PPP4R4: variants seen among roughly 807,000 people sequenced by gnomAD.
PPP4R4 encodes the protein protein phosphatase 4 regulatory subunit 4.
A neutral mutation model predicts 121.8 loss-of-function variants in PPP4R4; 70 were observed. The observed-to-expected ratio is 0.57, with a 90% CI of 0.47 to 0.70. The LOEUF (loss-of-function observed/expected upper bound fraction) is 0.70, where lower values mean the gene tolerates loss of function less well. Ranked by LOEUF, PPP4R4 falls within the 30% of genes least tolerant of loss-of-function variation. PPP4R4 has a pLI of 0.00. For missense variants in PPP4R4, 875 were observed against 1,033.6 expected, an observed-to-expected ratio of 0.85 and a Z score of 2.10; for synonymous variants, 348 against 355.7, an observed-to-expected ratio of 0.98 and a Z score of 0.24.
chr14:94,262,871 A>G lies in PPP4R4; in HGVS notation c.2128-2007A>G, dbSNP rs762232414. Among the ~76,000 whole-genome samples, 7 of 152,104 alleles carry G rather than the reference A, an allele frequency of 4.6e-5. No individual in the cohort carries two copies. In the South Asian group the frequency reaches 1.0e-3, roughly 23 times the overall value. ...TTATTTTTACCTTCATTCCTGAAGG[A>G]TATTTTCACTGGGTATAGAAGTCTG... On this transcript the variant is annotated intron_variant, in intron 19 of 24. Transcript: ENST00000304338.
intron 3 of PPP4R4, among the ~76,000 whole-genome samples, chr14:94,214,050 C>T (rs1288552332): frequency 6.6e-6 from 1 of 152,162 alleles, no homozygotes; most frequent in Non-Finnish European, 1.5e-5. Flanking sequence ...AGTCTAGTTT[C>T]TCACTATACC....
rs774084404 is a variant in PPP4R4 at position 94,174,533 on chromosome 14, AC to A, written c.70del (p.Leu24CysfsTer21). ...SQNSLFGYME[D>X]LQELTIIERP... is the part of the protein sequence containing the mutation. ...AACAGCCTGTTCGGTTACATGGAGGACCTGCAGGAGCTCACCATCATCGAGA... is the reference window on the plus strand; with the variant it reads ...AACAGCCTGTTCGGTTACATGGAGGACTGCAGGAGCTCACCATCATCGAGA... On this transcript the variant is annotated frameshift_variant, in exon 1 of 25. Transcript: ENST00000304338. LOFTEE classifies it high-confidence loss of function. The A allele has an allele frequency of 1.1e-5, 17 of 1,612,334 alleles. No homozygotes were observed. Among genetic ancestry groups the A allele is most frequent in the Non-Finnish European group, 1.4e-5 (17 of 1,179,242 alleles).
At chr14:94,203,822 C>A (rs948264289) in intron 2 of PPP4R4, among the ~76,000 whole-genome samples, 5 of 152,134 alleles carry the variant, frequency 3.3e-5, no homozygotes, top group Non-Finnish European at 7.4e-5. Flanking sequence ...GGCTTATTTG[C>A]AATCTGTATA....
At chr14:94,183,755 T>C (rs1472126257) in intron 2 of PPP4R4, among the ~76,000 whole-genome samples, 1 of 152,164 alleles carries the variant, frequency 6.6e-6, no homozygotes, top group Non-Finnish European at 1.5e-5. Context: ...AATAACATAA[T>C]GTGATGTGAG....
In PPP4R4 at chr14:94,176,048, T is replaced by G; in HGVS notation, c.118-6T>G. ...GGTGCATAAATGTGTATTTTACCCT[T>G]GACAGACACCGGAAGAAATAGAAAG... On this transcript the variant is annotated splice_region_variant and splice_polypyrimidine_tract_variant and intron_variant, in intron 1 of 24. Transcript: ENST00000304338. 6.2e-7 allele frequency: 1 copy of G among 1,610,224 alleles called. No individual in the cohort carries two copies. The highest frequency in any genetic ancestry group is 8.5e-7 in the Non-Finnish European group (1 of 1,176,362).
intron 24 of PPP4R4, among the ~76,000 whole-genome samples, chr14:94,276,192 A>G (rs373684564): frequency 6.4e-4 from 98 of 152,360 alleles, no homozygotes; most frequent in South Asian, 5.4e-3. Flanking sequence ...TAGCCATTTC[A>G]TATAGGACAC....
chr14:94,275,556 A>C (rs374350392), intron 24 of PPP4R4, 35 bp downstream of exon 24: 17 of 1,607,422 alleles, frequency 1.1e-5, no homozygotes, highest in Non-Finnish European at 1.4e-5. Context: ...TGAGTGTATT[A>C]TCCTCCTCTT....
At chr14:94,175,125 C>T (rs1888607074) in intron 1 of PPP4R4, among the ~76,000 whole-genome samples, 2 of 151,950 alleles carry the variant, frequency 1.3e-5, no homozygotes, top group Middle Eastern at 6.8e-3. Context: ...CCTCCCCCCA[C>T]CTCTCCCGGA....
At chr14:94,238,266 C>T (rs1892452212) in intron 8 of PPP4R4, among the ~76,000 whole-genome samples, 1 of 152,346 alleles carries the variant, frequency 6.6e-6, no homozygotes, top group Admixed American at 6.5e-5. Context: ...GCACTGGGGC[C>T]AAGCCTTGAC....
intron 3 of PPP4R4, among the ~76,000 whole-genome samples, chr14:94,219,667 G>A (rs1891277052): frequency 6.6e-6 from 1 of 152,112 alleles, no homozygotes; most frequent in African/African-American, 2.4e-5. Flanking sequence ...TTTATCTCAG[G>A]AATTCAAGAT....
chr14:94,240,588 C>T (rs1892575536), intron 8 of PPP4R4, 85 bp from the exon 9 acceptor site: 3 of 1,390,688 alleles, frequency 2.2e-6, no homozygotes, highest in Non-Finnish European at 1.9e-6. Flanking sequence ...ATTTTTCTTT[C>T]TGGAATTTGT....
At chr14:94,252,863 G>A (rs1363655843) in intron 16 of PPP4R4, among the ~76,000 whole-genome samples, 6 of 152,108 alleles carry the variant, frequency 3.9e-5, no homozygotes, top group Admixed American at 3.9e-4. Context: ...TGAATTTTAG[G>A]CAATATGTAA....
chr14:94,203,843 T>C (rs1490422853), intron 2 of PPP4R4, among the ~76,000 whole-genome samples: 5 of 152,224 alleles, frequency 3.3e-5, no homozygotes, highest in African/African-American at 1.2e-4. Flanking sequence ...TCATCCTCAG[T>C]AAAATGTTCC....
intron 14 of PPP4R4, among the ~76,000 whole-genome samples, chr14:94,248,150 A>G (rs1892991117): frequency 6.6e-6 from 1 of 152,202 alleles, no homozygotes; most frequent in African/African-American, 2.4e-5. Flanking sequence ...ATATGATTCT[A>G]TACCTAGAAA....
At chr14:94,252,092 T>C (rs1893214879) in intron 16 of PPP4R4, among the ~76,000 whole-genome samples, 196 bp downstream of exon 16, 1 of 152,198 alleles carries the variant, frequency 6.6e-6, no homozygotes, top group African/African-American at 2.4e-5. Flanking sequence ...GTCTCAGATC[T>C]TTTGTCTTTA....
intron 2 of PPP4R4, among the ~76,000 whole-genome samples, chr14:94,207,692 A>G (rs1193483328): frequency 2.6e-5 from 4 of 151,576 alleles, no homozygotes; most frequent in African/African-American, 7.3e-5. Context: ...TTTGATATAT[A>G]TATCTATATC....
intron 2 of PPP4R4, among the ~76,000 whole-genome samples, chr14:94,178,874 G>A (rs1888820833): frequency 6.6e-6 from 1 of 152,154 alleles, no homozygotes; most frequent in Non-Finnish European, 1.5e-5. Flanking sequence ...ACATGTGAGT[G>A]ATTTTATTAT....
chr14:94,196,150 G>A (rs371266364), intron 2 of PPP4R4, among the ~76,000 whole-genome samples: 3 of 134,026 alleles, frequency 2.2e-5, no homozygotes, highest in African/African-American at 8.0e-5. Context: ...TGTGGTATGT[G>A]CTTTTGAATC....
At chr14:94,257,157 T>G (rs563740032) in intron 17 of PPP4R4, among the ~76,000 whole-genome samples, 2 of 152,228 alleles carry the variant, frequency 1.3e-5, no homozygotes, top group Non-Finnish European at 2.9e-5. Context: ...TAACATTGTA[T>G]CCTATGAGTT....
Sources: allele counts gnomAD v4.1 joint callset (sites outside exome capture counted in the v4.1 genomes callset), GRCh38; gene constraint gnomAD v4.1.1; transcripts MANE v1.5; gene names NCBI Gene and HGNC (gene_info 2026-07-23, HGNC 2026-07-21).